ENTHD1: variants seen among roughly 807,000 people sequenced by gnomAD.
ENTHD1 encodes the protein ENTH domain-containing protein 1.
In ENTHD1, 23 loss-of-function variants were observed where a neutral mutation model predicts 39.1. That is an observed-to-expected ratio of 0.59 (90% CI 0.42 to 0.83). The LOEUF is 0.83. Ranked by LOEUF, ENTHD1 falls within the 40% of genes least tolerant of loss-of-function variation. The pLI is 0.00. For synonymous variants in ENTHD1, 230 were observed against 258.2 expected, an observed-to-expected ratio of 0.89 and a Z score of 1.05; for missense variants, 624 against 705.4, an observed-to-expected ratio of 0.88 and a Z score of 1.31.
At chr22:39,755,989 C>A (rs1340236365) in intron 6 of ENTHD1, among the ~76,000 whole-genome samples, 3 of 152,068 alleles carry the variant, frequency 2.0e-5, no homozygotes, top group Non-Finnish European at 4.4e-5. Flanking sequence ...GTGCTATCAG[C>A]AACTATGCTA....
At chr22:39,832,963 C>T (rs943724134) in intron 4 of ENTHD1, among the ~76,000 whole-genome samples, 1 of 152,132 alleles carries the variant, frequency 6.6e-6, no homozygotes, top group Non-Finnish European at 1.5e-5. Context: ...TCAGGAGTAC[C>T]TTCCAGTCTG....
chr22:39,856,719 G>A (rs902777089), intron 3 of ENTHD1, among the ~76,000 whole-genome samples: 6 of 151,880 alleles, frequency 4.0e-5, no homozygotes, highest in Non-Finnish European at 5.9e-5. Context: ...TGGGTGTGGC[G>A]GTGTGTGCCT....
At position 39,848,258 on chromosome 22, in the gene ENTHD1, A is replaced by AT. The variant is rs879735521; in HGVS notation, c.593-12301dup. Among the ~76,000 whole-genome samples the AT allele has an allele frequency of 8.2e-3, 1,199 of 145,494 alleles. 12 individuals carry two copies. The highest frequency in any genetic ancestry group is 0.029 in the East Asian group (145 of 5,004). On this transcript the variant is annotated intron_variant, in intron 3 of 6. Transcript: ENST00000325157. The stretch of plus-strand genomic sequence containing the variant: ...GCTTTTATTTTTTTTTAATTAATTA[A>AT]TTTTTTTTTTTTTTGAGACGGAGTC...
At position 39,851,683 on chromosome 22, in the gene ENTHD1, A is replaced by G. The variant is rs1393751969; in HGVS notation, c.592+10082T>C. Among the ~76,000 whole-genome samples the G allele has an allele frequency of 2.0e-5, 3 of 152,308 alleles. 1 individual carries two copies. Among genetic ancestry groups the G allele is most frequent in the Admixed American group, 6.5e-5 (1 of 15,296 alleles). ...AATGCTCAAGACAGCCCCCAAACTC[A>G]TTCTCTGATCTACTAACAACTGCTC... On this transcript the variant is annotated intron_variant, in intron 3 of 6. Coordinates refer to ENST00000325157, the MANE Select transcript of ENTHD1 (RefSeq NM_152512.4).
chr22:39,876,125 C>G, intron 2 of ENTHD1: 2 of 1,582,380 alleles, frequency 1.3e-6, no homozygotes, highest in Non-Finnish European at 1.7e-6. Flanking sequence ...GAGACTTGGA[C>G]TCAAGTCATA....
At chr22:39,879,462 CAAAAAAAAAAA>C (rs34372930) in intron 2 of ENTHD1, among the ~76,000 whole-genome samples, 17 of 16,440 alleles carry the variant, frequency 1.0e-3, no homozygotes, top group Middle Eastern at 0.033. Context: ...GACTCTGTCT[CAAAAAAAAAAA>C]AAAAAAAAAA....
At chr22:39,870,938 C>T (rs946399369) in intron 2 of ENTHD1, among the ~76,000 whole-genome samples, 7 of 151,946 alleles carry the variant, frequency 4.6e-5, no homozygotes, top group Non-Finnish European at 8.8e-5. Flanking sequence ...TTTGGGAGGC[C>T]GAGGTGGGAG....
chr22:39,875,746 C>A, intron 2 of ENTHD1: 1 of 1,613,106 alleles, frequency 6.2e-7, no homozygotes, highest in Non-Finnish European at 8.5e-7. Context: ...TGGCGAAAAT[C>A]GAAATCAAGT....
chr22:39,754,704 C>T (rs901264269), intron 6 of ENTHD1, among the ~76,000 whole-genome samples: 1 of 152,182 alleles, frequency 6.6e-6, no homozygotes, highest in South Asian at 2.1e-4. Context: ...TCTCTCAGAT[C>T]GTGATCCACC....
At chr22:39,753,091 G>C (rs1228297126) in intron 6 of ENTHD1, among the ~76,000 whole-genome samples, 2 of 152,102 alleles carry the variant, frequency 1.3e-5, no homozygotes, top group African/African-American at 2.4e-5. Flanking sequence ...AAGCCAATTG[G>C]ATAGGAAAAA....
At chr22:39,752,204 C>A (rs1024647887) in intron 6 of ENTHD1, among the ~76,000 whole-genome samples, 1 of 151,880 alleles carries the variant, frequency 6.6e-6, no homozygotes, top group Non-Finnish European at 1.5e-5. Context: ...CTATATATAT[C>A]TTGTTACAAT....
intron 3 of ENTHD1, among the ~76,000 whole-genome samples, chr22:39,843,666 G>A (rs1362988186): frequency 2.6e-5 from 4 of 152,068 alleles, no homozygotes; most frequent in Non-Finnish European, 5.9e-5. Context: ...GAAGGATCGG[G>A]TCAAGCAAGC....
intron 5 of ENTHD1, among the ~76,000 whole-genome samples, chr22:39,767,691 T>G (rs1343633754): frequency 6.6e-6 from 1 of 152,202 alleles, no homozygotes; most frequent in Non-Finnish European, 1.5e-5. Context: ...CATCTTAAAA[T>G]TTAGCAATAT....
chr22:39,805,487 C>A (rs1483607845), intron 5 of ENTHD1, among the ~76,000 whole-genome samples: 1 of 152,212 alleles, frequency 6.6e-6, no homozygotes, highest in Non-Finnish European at 1.5e-5. Flanking sequence ...CATGGCTTAA[C>A]TGTGCTAAGC....
intron 6 of ENTHD1, among the ~76,000 whole-genome samples, chr22:39,761,367 C>G (rs887029491): frequency 7.2e-5 from 11 of 152,160 alleles, no homozygotes; most frequent in Admixed American, 7.2e-4. Flanking sequence ...AAGATTTTGT[C>G]TCTGGAATTC....
intron 3 of ENTHD1, among the ~76,000 whole-genome samples, chr22:39,841,127 A>G (rs1197541757): frequency 6.6e-6 from 1 of 152,214 alleles, no homozygotes; most frequent in Non-Finnish European, 1.5e-5. Flanking sequence ...AAAAGTAACA[A>G]GAATAGTACA....
intron 5 of ENTHD1, among the ~76,000 whole-genome samples, chr22:39,817,652 A>AT (rs1968267056): frequency 6.6e-6 from 1 of 152,040 alleles, no homozygotes; most frequent in Admixed American, 6.5e-5. Context: ...CTGTATTTGA[A>AT]TTTTTTTAAA....
rs534048601 is a variant in ENTHD1, at chr22:39,868,061, G to T, written c.350-6054C>A. On this transcript the variant is annotated intron_variant, in intron 2 of 6. Transcript: ENST00000325157. ...GGTCTCACTCTTTAATGTTATGGGG[G>T]CAGTGTTTGTGAGAGAAGCCTGGGA... Among the ~76,000 whole-genome samples, 3 of 152,008 alleles carry T rather than the reference G, an allele frequency of 2.0e-5. No individual in the cohort carries two copies. In the South Asian group the frequency reaches 6.3e-4, roughly 32 times the overall value.
intron 4 of ENTHD1, among the ~76,000 whole-genome samples, chr22:39,822,521 T>C (rs1358214959): frequency 6.6e-6 from 1 of 152,208 alleles, no homozygotes; most frequent in East Asian, 1.9e-4. Flanking sequence ...GATTCATCCA[T>C]GTTTTACTGT....
Sources: gnomAD v4.1 joint callset for allele counts (sites outside exome capture counted in the v4.1 genomes callset) on GRCh38, gnomAD v4.1.1 for gene constraint, MANE v1.5 for transcripts, NCBI Gene and HGNC (gene_info 2026-07-23, HGNC 2026-07-21) for gene names.